The following C12orf54 variants were observed in gnomAD, a reference collection of about 807,000 sequenced individuals.
The protein encoded by C12orf54 is uncharacterized protein C12orf54.
C12orf54 carries 24 observed loss-of-function variants against 26.4 expected under a neutral mutation model. That is an observed-to-expected ratio of 0.91 (90% CI 0.66 to 1.28). The LOEUF (loss-of-function observed/expected upper bound fraction) is 1.28. C12orf54 is among the 50% of genes most tolerant of loss of function. The probability of loss-of-function intolerance (pLI) is 0.00; values close to 1 mark genes in which losing one functional copy is unlikely to be tolerated. For missense variants in C12orf54, 154 were observed against 150.9 expected (o/e 1.02, Z -0.11); for synonymous variants, 54 against 47.0 (o/e 1.15, Z -0.61).
chr12:48,477,358 C>A, the C12orf54 span, among the ~76,000 whole-genome samples: 2 of 152,062 alleles, frequency 1.3e-5, no homozygotes, highest in Non-Finnish European at 2.9e-5. Flanking sequence ...AGAGCAAACA[C>A]ATTCAAAAGC....
At chr12:48,473,210 T>A in the C12orf54 span, 1 of 1,276,120 alleles carries the variant, frequency 7.8e-7, no homozygotes, top group Admixed American at 1.8e-5. Flanking sequence ...ATGATGAAGA[T>A]GCTCAGGTAA....
the C12orf54 span, among the ~76,000 whole-genome samples, chr12:48,461,070 T>C: frequency 6.6e-6 from 1 of 151,946 alleles, no homozygotes; most frequent in African/African-American, 2.4e-5. Flanking sequence ...AGAAAAGTGA[T>C]GGAAAAAGAT....
the C12orf54 span, among the ~76,000 whole-genome samples, chr12:48,438,916 A>C: frequency 5.7e-4 from 87 of 152,252 alleles, no homozygotes; most frequent in South Asian, 9.5e-3. Context: ...GGATCTAATT[A>C]AACTAAAGAG....
the C12orf54 span, among the ~76,000 whole-genome samples, chr12:48,454,092 G>GTTTT: frequency 1.5e-4 from 11 of 75,782 alleles, 2 homozygotes; most frequent in Admixed American, 3.5e-4. Flanking sequence ...CTCTTTTTTT[G>GTTTT]TTTGTTTTTT....
chr12:48,491,909 T>C (rs2731105), intron 6 of C12orf54, among the ~76,000 whole-genome samples: 30,156 of 152,050 alleles, frequency 0.2, 3,242 homozygotes, highest in South Asian at 0.3. Flanking sequence ...AATTCTGAGA[T>C]CTGAGGTTCT....
chr12:48,484,950 A>G (rs949539954), intron 2 of C12orf54, among the ~76,000 whole-genome samples: 1 of 152,250 alleles, frequency 6.6e-6, no homozygotes, highest in African/African-American at 2.4e-5. Context: ...CTATGGAGAA[A>G]TAGCACTCCA....
At chr12:48,431,066 A>G in the C12orf54 span, among the ~76,000 whole-genome samples, 11 of 152,362 alleles carry the variant, frequency 7.2e-5, 1 homozygote, top group Middle Eastern at 0.01. Flanking sequence ...CAAACATTGT[A>G]TGTTCTCACC....
intron 4 of C12orf54, chr12:48,488,234 C>G: frequency 1.5e-6 from 1 of 666,592 alleles, no homozygotes; most frequent in Non-Finnish European, 2.8e-6. Flanking sequence ...TATGCCGCAG[C>G]CATCCAGAGA....
At chr12:48,476,943 A>G in the C12orf54 span, among the ~76,000 whole-genome samples, 1 of 152,230 alleles carries the variant, frequency 6.6e-6, no homozygotes, top group Non-Finnish European at 1.5e-5. Context: ...CAGAATATAC[A>G]TTCTTTTCAG....
At chr12:48,476,304 A>G in the C12orf54 span, among the ~76,000 whole-genome samples, 15 of 152,360 alleles carry the variant, frequency 9.8e-5, no homozygotes, top group African/African-American at 3.6e-4. Context: ...CCAAATTGTA[A>G]AGACCATCCA....
the C12orf54 span, among the ~76,000 whole-genome samples, chr12:48,420,249 A>G: frequency 6.6e-6 from 1 of 152,230 alleles, no homozygotes; most frequent in Admixed American, 6.5e-5. Flanking sequence ...GATGCCTTGC[A>G]TTCCTTGGGG....
Position 48,494,965 on chromosome 12 carries a change from C to A in C12orf54, c.*26C>A. 1 of 1,607,570 alleles carries A rather than the reference C, an allele frequency of 6.2e-7. No individual in the cohort carries two copies. Among genetic ancestry groups the A allele is most frequent in the Non-Finnish European group, 8.5e-7 (1 of 1,174,738 alleles). On this transcript the variant is annotated 3_prime_UTR_variant, in exon 8 of 9. Transcript: ENST00000548364. Reference sequence around the variant, plus strand: ...CTCTACAATCAAGGAAGAAGGACATCTCTGCTTCCGCCAGGTGCTTTACCC... The same window carrying A: ...CTCTACAATCAAGGAAGAAGGACATATCTGCTTCCGCCAGGTGCTTTACCC...
intron 6 of C12orf54, 108 bp from the exon 7 acceptor site, chr12:48,492,839 G>T (rs748555646): frequency 1.0e-5 from 10 of 984,244 alleles, no homozygotes; most frequent in Non-Finnish European, 1.6e-5. Context: ...CTTCAAGTCT[G>T]GACCCTCCCA....
chr12:48,481,791 G>A (rs149207643), upstream of C12orf54, among the ~76,000 whole-genome samples: 3 of 152,230 alleles, frequency 2.0e-5, no homozygotes, highest in South Asian at 2.1e-4. Flanking sequence ...GCCTAAACAC[G>A]CTATACCACA....
chr12:48,492,910 C>T, intron 6 of C12orf54, 37 bp from the exon 7 acceptor site: 1 of 1,592,644 alleles, frequency 6.3e-7, no homozygotes, highest in Non-Finnish European at 8.6e-7. Flanking sequence ...TGTCCAGGCC[C>T]CTGTAACAGA....
chr12:48,432,803 A>G, the C12orf54 span, among the ~76,000 whole-genome samples: 4 of 151,708 alleles, frequency 2.6e-5, no homozygotes, highest in African/African-American at 9.7e-5. Context: ...CAGGAGGTGG[A>G]GGTTGCAGTG....
At chr12:48,460,295 A>G in the C12orf54 span, among the ~76,000 whole-genome samples, 3 of 152,196 alleles carry the variant, frequency 2.0e-5, no homozygotes, top group African/African-American at 7.2e-5. Flanking sequence ...AAATGAAGAA[A>G]TGTCCAAACA....
chr12:48,480,458 A>C (rs761715701), upstream of C12orf54, among the ~76,000 whole-genome samples: 6 of 150,878 alleles, frequency 4.0e-5, no homozygotes, highest in Non-Finnish European at 7.4e-5. Flanking sequence ...CTGTTTAACT[A>C]AGCCAACAAA....
At chr12:48,456,940 G>C in the C12orf54 span, among the ~76,000 whole-genome samples, 1 of 151,976 alleles carries the variant, frequency 6.6e-6, no homozygotes, top group Non-Finnish European at 1.5e-5. Flanking sequence ...ATGAGGACCA[G>C]TCTGCCAAGA....
Sources: allele counts gnomAD v4.1 joint callset (sites outside exome capture counted in the v4.1 genomes callset), GRCh38; gene constraint gnomAD v4.1.1; transcripts MANE v1.5; gene names NCBI Gene and HGNC (gene_info 2026-07-23, HGNC 2026-07-21).